Variants in CLVS1 observed in about 807,000 individuals in gnomAD.
CLVS1 encodes clavesin 1.
Under a neutral mutation model 33.1 loss-of-function variants are expected in CLVS1, and 10 were observed. The observed-to-expected ratio is 0.30, with a 90% CI of 0.19 to 0.51. The LOEUF (loss-of-function observed/expected upper bound fraction) is 0.51, where lower values mean the gene tolerates loss of function less well. CLVS1 is among the 20% of genes least tolerant of loss of function. CLVS1 has a pLI of 0.97. For synonymous variants in CLVS1, 163 were observed against 166.1 expected, an observed-to-expected ratio of 0.98 and a Z score of 0.14; for missense variants, 343 against 433.4, an observed-to-expected ratio of 0.79 and a Z score of 1.85.
intron 1 of CLVS1, among the ~76,000 whole-genome samples, chr8:61,097,977 A>C (rs1012686394): frequency 2.2e-4 from 33 of 152,180 alleles, no homozygotes; most frequent in African/African-American, 7.2e-4. Flanking sequence ...CAACATTGTG[A>C]TACTCTGTCT....
chr8:61,058,644 G>A (rs560804406), intron 1 of CLVS1, among the ~76,000 whole-genome samples: 2 of 152,242 alleles, frequency 1.3e-5, no homozygotes, highest in East Asian at 3.9e-4. Context: ...TGTCAAGATA[G>A]TGAATATATT....
intron 1 of CLVS1, among the ~76,000 whole-genome samples, chr8:61,105,318 A>G (rs116122884): frequency 0.013 from 1,998 of 152,358 alleles, 51 homozygotes; most frequent in African/African-American, 0.046. Flanking sequence ...ACATGCACAC[A>G]CACACAATTT....
chr8:61,066,123 G>T (rs986860392), intron 1 of CLVS1, among the ~76,000 whole-genome samples: 1 of 152,124 alleles, frequency 6.6e-6, no homozygotes, highest in African/African-American at 2.4e-5. Context: ...AAAAGTGGAG[G>T]GTAACTTTGT....
chr8:61,234,662 T>G (rs1808518071), intron 2 of CLVS1, among the ~76,000 whole-genome samples: 1 of 152,140 alleles, frequency 6.6e-6, no homozygotes, highest in African/African-American at 2.4e-5. Flanking sequence ...TGTGCATAAC[T>G]TGCCCAAGAT....
intron 2 of CLVS1, among the ~76,000 whole-genome samples, chr8:61,173,149 T>C (rs1462407363): frequency 1.3e-5 from 2 of 152,146 alleles, no homozygotes; most frequent in Non-Finnish European, 2.9e-5. Context: ...TATTATCTGG[T>C]TAACATTTTC....
At chr8:61,466,635 A>G (rs966053715) in intron 5 of CLVS1, among the ~76,000 whole-genome samples, 1 of 152,034 alleles carries the variant, frequency 6.6e-6, no homozygotes, top group African/African-American at 2.4e-5. Flanking sequence ...ATGGCTATAG[A>G]TATTATTGTT....
intron 2 of CLVS1, among the ~76,000 whole-genome samples, chr8:61,255,088 G>A (rs1450944991): frequency 6.6e-6 from 1 of 152,112 alleles, no homozygotes; most frequent in Non-Finnish European, 1.5e-5. Flanking sequence ...TTTTTAGGTA[G>A]GGTTGTAACA....
chr8:61,382,933 G>A (rs1206748946), intron 3 of CLVS1, among the ~76,000 whole-genome samples: 1 of 152,176 alleles, frequency 6.6e-6, no homozygotes, highest in Non-Finnish European at 1.5e-5. Flanking sequence ...GAGGTTTATG[G>A]TGAAAATCAA....
intron 1 of CLVS1, among the ~76,000 whole-genome samples, chr8:61,088,444 C>G (rs1585600829): frequency 6.8e-6 from 1 of 146,366 alleles, no homozygotes; most frequent in South Asian, 2.2e-4. Flanking sequence ...GAGCTGAGAT[C>G]GTGCCACTGC....
rs74994913 is a variant in CLVS1, at chr8:61,448,885, C to G, written c.631-5256C>G. Among the ~76,000 whole-genome samples the G allele has an allele frequency of 2.6e-3, 399 of 152,336 alleles. 2 individuals carry two copies. Among genetic ancestry groups the G allele is most frequent in the African/African-American group, 8.9e-3 (368 of 41,576 alleles). On this transcript the variant is annotated intron_variant, in intron 3 of 5. Transcript: ENST00000325897. ...TCTTTGTCAGATAATGCTAACACCTCTGTCATCTGGTGTTGTCCTCTATTG... is the reference window on the plus strand; with the variant it reads ...TCTTTGTCAGATAATGCTAACACCTGTGTCATCTGGTGTTGTCCTCTATTG...
the CLVS1 span, among the ~76,000 whole-genome samples, chr8:61,026,138 A>G: frequency 6.6e-6 from 1 of 152,044 alleles, no homozygotes; most frequent in Admixed American, 6.6e-5. Context: ...TTAAGTTAGA[A>G]TAAGGTTATT....
At chr8:61,040,340 G>A in the CLVS1 span, among the ~76,000 whole-genome samples, 1 of 152,034 alleles carries the variant, frequency 6.6e-6, no homozygotes, top group Non-Finnish European at 1.5e-5. Flanking sequence ...TTTTCCTTTG[G>A]GCATATACCC....
the CLVS1 span, among the ~76,000 whole-genome samples, chr8:60,989,242 G>T: frequency 1.3e-5 from 2 of 152,156 alleles, no homozygotes; most frequent in East Asian, 1.9e-4. Flanking sequence ...GTGCAATGGC[G>T]TGATCTCGGC....
At chr8:61,128,029 T>C (rs567446849) in intron 1 of CLVS1, among the ~76,000 whole-genome samples, 1 of 152,324 alleles carries the variant, frequency 6.6e-6, no homozygotes, top group East Asian at 1.9e-4. Flanking sequence ...TAAAAATGGT[T>C]ATTTTGAAAA....
chr8:61,186,032 C>G (rs1008134507), intron 2 of CLVS1, among the ~76,000 whole-genome samples: 1 of 152,116 alleles, frequency 6.6e-6, no homozygotes, highest in East Asian at 1.9e-4. Context: ...CAAGGCTGTT[C>G]TTCAGGGCTA....
At chr8:61,245,921 T>C (rs987657830) in intron 2 of CLVS1, among the ~76,000 whole-genome samples, 23 of 149,646 alleles carry the variant, frequency 1.5e-4, no homozygotes, top group Non-Finnish European at 2.1e-4. Flanking sequence ...ATATGTACCA[T>C]TACACCCAGT....
intron 2 of CLVS1, among the ~76,000 whole-genome samples, chr8:61,149,822 C>T (rs190148762): frequency 2.8e-4 from 42 of 152,218 alleles, no homozygotes; most frequent in African/African-American, 9.9e-4. Flanking sequence ...TCAATGACCC[C>T]TACAATTTAT....
intron 3 of CLVS1, among the ~76,000 whole-genome samples, chr8:61,401,227 A>C (rs1814736897): frequency 6.6e-6 from 1 of 151,408 alleles, no homozygotes; most frequent in South Asian, 2.1e-4. Context: ...AAAACAAATA[A>C]TTTTACTTTT....
At chr8:61,008,039 A>G in the CLVS1 span, among the ~76,000 whole-genome samples, 1 of 152,152 alleles carries the variant, frequency 6.6e-6, no homozygotes, top group African/African-American at 2.4e-5. Context: ...ATCTTGAAGG[A>G]GGGAATATGT....
Sources: gnomAD v4.1 joint callset for allele counts (sites outside exome capture counted in the v4.1 genomes callset) on GRCh38, gnomAD v4.1.1 for gene constraint, MANE v1.5 for transcripts, NCBI Gene and HGNC (gene_info 2026-07-23, HGNC 2026-07-21) for gene names.